SNX18: variants seen among roughly 807,000 people sequenced by gnomAD.
SNX18 encodes sorting nexin 18.
A neutral mutation model predicts 48.7 loss-of-function variants in SNX18; 35 were observed. The observed-to-expected ratio is 0.72, with a 90% CI of 0.55 to 0.95. The LOEUF is 0.95. Ranked by LOEUF, SNX18 falls within the 40% of genes least tolerant of loss-of-function variation. The pLI is 0.00. For missense variants in SNX18, 824 were observed against 871.0 expected, an observed-to-expected ratio of 0.95 and a Z score of 0.68; for synonymous variants, 492 against 384.7, an observed-to-expected ratio of 1.28 and a Z score of -3.26.
the SNX18 span, among the ~76,000 whole-genome samples, chr5:54,578,039 C>G: frequency 6.6e-6 from 1 of 152,202 alleles, no homozygotes; most frequent in African/African-American, 2.4e-5. Context: ...TCCTTCTCAT[C>G]TGCAATTATA....
chr5:54,642,394 T>G, the SNX18 span, among the ~76,000 whole-genome samples: 2 of 152,052 alleles, frequency 1.3e-5, no homozygotes, highest in African/African-American at 4.8e-5. Context: ...TTTTTTTTTT[T>G]GCTGTTTCAC....
At chr5:54,582,432 T>C in the SNX18 span, among the ~76,000 whole-genome samples, 1 of 152,188 alleles carries the variant, frequency 6.6e-6, no homozygotes, top group African/African-American at 2.4e-5. Context: ...TGTTTTTTAA[T>C]GTTGTGTTTA....
intron 1 of SNX18, among the ~76,000 whole-genome samples, chr5:54,525,949 G>T (rs1762124309): frequency 6.6e-6 from 1 of 152,136 alleles, no homozygotes; most frequent in Non-Finnish European, 1.5e-5. Flanking sequence ...ATCACGCATT[G>T]CAGGCTTACC....
the SNX18 span, among the ~76,000 whole-genome samples, chr5:54,583,957 G>A: frequency 2.6e-4 from 40 of 152,254 alleles, no homozygotes; most frequent in South Asian, 3.7e-3. Flanking sequence ...GCAGCTTGGC[G>A]AGCCACAGCA....
rs70986692 is a variant in SNX18, at chr5:54,530,744, A to ATTTTTTTT, written c.1621+11190_1621+11197dup. 6.1e-3 allele frequency among the ~76,000 whole-genome samples: 445 copies of ATTTTTTTT among 72,496 alleles called. 69 individuals are homozygous for ATTTTTTTT. Among genetic ancestry groups the ATTTTTTTT allele is most frequent in the African/African-American group, 0.02 (337 of 16,740 alleles). The allele number at this position is 72,496 out of a possible 152,430, so 47.6% of individuals were successfully genotyped here. ...TGCAGACAGGAGCTGAACCACAGAA[A>ATTTTTTTT]TTTTTTTTTTTTTTTTTTTTTTTTT... is the stretch of plus-strand genomic sequence containing the variant. On this transcript the variant is annotated intron_variant, in intron 1 of 1. Coordinates refer to ENST00000381410, the MANE Select transcript of SNX18 (RefSeq NM_001102575.2).
the SNX18 span, among the ~76,000 whole-genome samples, chr5:54,568,701 A>T: frequency 6.6e-6 from 1 of 152,210 alleles, no homozygotes; most frequent in African/African-American, 2.4e-5. Context: ...TTATTTAGCT[A>T]AAATGAGCTT....
the SNX18 span, among the ~76,000 whole-genome samples, chr5:54,636,749 C>T: frequency 3.0e-3 from 457 of 152,308 alleles, 3 homozygotes; most frequent in African/African-American, 0.011. Context: ...TAATTGCTAA[C>T]ATGCATATAA....
At chr5:54,554,125 T>G in the SNX18 span, among the ~76,000 whole-genome samples, 1 of 152,250 alleles carries the variant, frequency 6.6e-6, no homozygotes, top group African/African-American at 2.4e-5. Flanking sequence ...GAACCTTTCT[T>G]CTGCTTCCAT....
chr5:54,596,341 C>T, the SNX18 span, among the ~76,000 whole-genome samples: 1 of 152,180 alleles, frequency 6.6e-6, no homozygotes, highest in Non-Finnish European at 1.5e-5. Flanking sequence ...TCTACCAAAA[C>T]AGACTCTTTG....
the SNX18 span, among the ~76,000 whole-genome samples, chr5:54,641,250 T>A: frequency 6.6e-6 from 1 of 152,192 alleles, no homozygotes; most frequent in Non-Finnish European, 1.5e-5. Context: ...CACTGCTGCT[T>A]CAGTATTGTT....
At chr5:54,541,037 CT>C (rs1187377375) in intron 1 of SNX18, among the ~76,000 whole-genome samples, 1 of 150,386 alleles carries the variant, frequency 6.6e-6, no homozygotes, top group African/African-American at 2.4e-5. Context: ...TTCTCTCTCT[CT>C]TTTTTTGAGA....
the SNX18 span, among the ~76,000 whole-genome samples, chr5:54,611,706 G>C: frequency 0.4 from 60,817 of 151,694 alleles, 12,648 homozygotes; most frequent in East Asian, 0.51. Flanking sequence ...AAGCATAAAC[G>C]CCACTCACAT....
chr5:54,545,411 T>G lies in SNX18; in HGVS notation c.*1979T>G, dbSNP rs1043327659. ...CCTCTTTATTTTGATGGTGGTTGGA[T>G]TTTTTTTTTTTTAATAGTAAAATCA... On this transcript the variant is annotated 3_prime_UTR_variant, in exon 2 of 2. Coordinates refer to ENST00000381410, the MANE Select transcript of SNX18 (RefSeq NM_001102575.2). 10 of 12,954 alleles carry G rather than the reference T, an allele frequency of 7.7e-4. No homozygotes were observed. The highest frequency in any genetic ancestry group is 1.2e-3 in the Non-Finnish European group (6 of 5,010). The allele number at this position is 12,954 out of a possible 1,614,324, so 0.8% of individuals were successfully genotyped here.
the SNX18 span, among the ~76,000 whole-genome samples, chr5:54,636,275 C>T: frequency 6.6e-6 from 1 of 152,156 alleles, no homozygotes; most frequent in African/African-American, 2.4e-5. Flanking sequence ...TCTAAGTCTA[C>T]TGATATCACT....
the SNX18 span, among the ~76,000 whole-genome samples, chr5:54,576,022 AT>A: frequency 1.2e-4 from 18 of 152,352 alleles, no homozygotes; most frequent in East Asian, 1.7e-3. Context: ...TGCAAAAATT[AT>A]CAAAACATAT....
chr5:54,642,336 G>C, the SNX18 span, among the ~76,000 whole-genome samples: 128 of 151,854 alleles, frequency 8.4e-4, no homozygotes, highest in African/African-American at 3.0e-3. Context: ...AAACGTGCAG[G>C]AATGGGTGTA....
At chr5:54,603,231 A>AAAAT in the SNX18 span, among the ~76,000 whole-genome samples, 1 of 113,800 alleles carries the variant, frequency 8.8e-6, no homozygotes, top group Non-Finnish European at 2.1e-5. Flanking sequence ...ATTATTTAAA[A>AAAAT]ATATATATAT....
chr5:54,565,959 C>T, the SNX18 span, among the ~76,000 whole-genome samples: 1 of 152,158 alleles, frequency 6.6e-6, no homozygotes, highest in Non-Finnish European at 1.5e-5. Flanking sequence ...CAGAAGGGTG[C>T]CTGTTGCCTG....
At chr5:54,644,561 TC>T in the SNX18 span, 1 of 152,130 alleles carries the variant, frequency 6.6e-6, no homozygotes, top group East Asian at 1.9e-4. Context: ...AACAGGAAAA[TC>T]ACATTTCAAG....
Sources: gnomAD v4.1 joint callset for allele counts (sites outside exome capture counted in the v4.1 genomes callset) on GRCh38, gnomAD v4.1.1 for gene constraint, MANE v1.5 for transcripts, NCBI Gene and HGNC (gene_info 2026-07-23, HGNC 2026-07-21) for gene names.